The following MACROD1 variants were observed in gnomAD, a reference collection of about 807,000 sequenced individuals.
MACROD1 encodes the protein mono-ADP ribosylhydrolase 1.
In MACROD1, 31 loss-of-function variants were observed where a neutral mutation model predicts 41.4. The ratio of observed to expected loss-of-function variants is 0.75; its 90% CI spans 0.56 to 1.01. The LOEUF is 1.01. Among genes scored for constraint, MACROD1 ranks in the 50% least tolerant of loss-of-function variants. MACROD1 has a pLI of 0.00. For missense variants in MACROD1, 473 were observed against 460.0 expected (o/e 1.03, Z -0.26); for synonymous variants, 252 against 203.4 (o/e 1.24, Z -2.03).
chr11:64,122,547 C>G lies in MACROD1; in HGVS notation c.517+28692G>C, dbSNP rs1380894022. Among the ~76,000 whole-genome samples, 1 of 152,270 alleles carries G rather than the reference C, an allele frequency of 6.6e-6. No individual in the cohort carries two copies. The highest frequency in any genetic ancestry group is 2.4e-5 in the African/African-American group (1 of 41,468). On this transcript the variant is annotated intron_variant, in intron 3 of 10. Coordinates refer to ENST00000255681, the MANE Select transcript of MACROD1 (RefSeq NM_014067.4). This position sits in a 1 kb window ranked among gnomAD's most constrained non-coding sequence, Gnocchi z 4.0. Reference sequence around the variant, plus strand: ...GGGAAACCCTCCCTCTGAGCCCAGCCCAGCCCTGTCCGAACAAAGCCAGGC... The same window carrying G: ...GGGAAACCCTCCCTCTGAGCCCAGCGCAGCCCTGTCCGAACAAAGCCAGGC...
chr11:64,096,467 G>A lies in MACROD1; in HGVS notation c.517+54772C>T, dbSNP rs1160268530. On this transcript the variant is annotated intron_variant, in intron 3 of 10. Coordinates refer to ENST00000255681, the MANE Select transcript of MACROD1 (RefSeq NM_014067.4). The surrounding 1 kb of genome is among the most constrained non-coding windows in gnomAD (Gnocchi z 4.6). ...TCGCTGTGCTGCCCAGGATGATGAA[G>A]TGCAGTGGTATGATCTCGGCTCACT... 2.0e-5 allele frequency among the ~76,000 whole-genome samples: 3 copies of A among 151,828 alleles called. No homozygotes were observed. Among genetic ancestry groups the A allele is most frequent in the Non-Finnish European group, 4.4e-5 (3 of 67,942 alleles).
intron 4 of MACROD1, chr11:64,001,405 T>G (rs1394148283): frequency 2.8e-6 from 2 of 702,328 alleles, no homozygotes; most frequent in South Asian, 1.5e-5. Flanking sequence ...ACCAGCTGCC[T>G]GGTGCTCACA....
chr11:64,090,118 T>C lies in MACROD1; in HGVS notation c.517+61121A>G, dbSNP rs1293527784. ...AATGGGGCTGGGGGAGGGGAAGATA[T>C]GCACCCTCTCCCCACGGGGCTAGGG... On this transcript the variant is annotated intron_variant, in intron 3 of 10. Transcript: ENST00000255681. The surrounding 1 kb of genome is among the most constrained non-coding windows in gnomAD (Gnocchi z 4.7). 6.6e-6 allele frequency among the ~76,000 whole-genome samples: 1 copy of C among 151,986 alleles called. No homozygotes were observed. Among genetic ancestry groups the C allele is most frequent in the Non-Finnish European group, 1.5e-5 (1 of 67,966 alleles).
At chr11:64,153,413 TG>T (rs1945615836) in intron 1 of MACROD1, among the ~76,000 whole-genome samples, 1 of 150,414 alleles carries the variant, frequency 6.6e-6, no homozygotes, top group South Asian at 2.1e-4. Context: ...TTAGAGGAGG[TG>T]GTGAGAAAGG....
At chr11:64,147,921 T>C (rs1033465980) in intron 3 of MACROD1, among the ~76,000 whole-genome samples, 2 of 151,836 alleles carry the variant, frequency 1.3e-5, no homozygotes, top group Non-Finnish European at 2.9e-5. Context: ...TTTTTTTTTG[T>C]AGAGATAGAG....
intron 3 of MACROD1, among the ~76,000 whole-genome samples, 188 bp downstream of exon 3, chr11:64,151,051 G>T (rs888260887): frequency 1.3e-5 from 2 of 152,236 alleles, no homozygotes; most frequent in African/African-American, 4.8e-5. Context: ...GACACAGCAG[G>T]TCAGGGTTTC....
At chr11:64,075,981 GTCT>G (rs1944193629) in intron 3 of MACROD1, among the ~76,000 whole-genome samples, 1 of 152,226 alleles carries the variant, frequency 6.6e-6, no homozygotes, top group African/African-American at 2.4e-5. Flanking sequence ...GCCTGGCCCT[GTCT>G]TCTTGGCATG....
intron 4 of MACROD1, among the ~76,000 whole-genome samples, chr11:64,011,733 G>C (rs575914201): frequency 6.6e-6 from 1 of 151,414 alleles, no homozygotes; most frequent in African/African-American, 2.4e-5. Context: ...GCCCTTGTGC[G>C]TGTTCGAACA....
intron 3 of MACROD1, among the ~76,000 whole-genome samples, chr11:64,147,137 C>G (rs917690551): frequency 6.6e-6 from 1 of 152,200 alleles, no homozygotes; most frequent in African/African-American, 2.4e-5. Flanking sequence ...ACAGTCACAG[C>G]TCACTGCAGC....
At chr11:64,150,236 G>A (rs778787186) in intron 3 of MACROD1, among the ~76,000 whole-genome samples, 7 of 152,210 alleles carry the variant, frequency 4.6e-5, no homozygotes, top group Non-Finnish European at 7.3e-5. Context: ...AGAGATTAAC[G>A]GAAATGCTCA....
In MACROD1 at chr11:64,128,081, C is replaced by T. The variant is rs558124281; in HGVS notation, c.517+23158G>A. Among the ~76,000 whole-genome samples the T allele has an allele frequency of 4.1e-4, 63 of 152,240 alleles. 2 individuals carry two copies. In the South Asian group the frequency reaches 5.2e-3, roughly 13 times the overall value. ...TGGCCGGTGGCCCTGAGTGGGGTGA[C>T]GTGGGCCCCACAGGTGCTCTCTGCC... On this transcript the variant is annotated intron_variant, in intron 3 of 10. Transcript: ENST00000255681.
intron 3 of MACROD1, among the ~76,000 whole-genome samples, chr11:64,086,312 C>T (rs570247306): frequency 1.3e-5 from 2 of 152,168 alleles, no homozygotes; most frequent in East Asian, 1.9e-4. Context: ...CATACCGGCA[C>T]CTGCACAGCC....
chr11:64,138,205 CCTT>C (rs1442776179), intron 3 of MACROD1, among the ~76,000 whole-genome samples: 4 of 152,190 alleles, frequency 2.6e-5, no homozygotes, highest in Non-Finnish European at 5.9e-5. Context: ...GCTCCTGCCT[CCTT>C]GTTAGGAGGA....
At chr11:64,037,649 G>A (rs1943407770) in intron 3 of MACROD1, among the ~76,000 whole-genome samples, 1 of 151,968 alleles carries the variant, frequency 6.6e-6, no homozygotes, top group African/African-American at 2.4e-5. Context: ...GGCACAGGGT[G>A]TGTGTGTGTG....
At chr11:64,127,360 G>A (rs1945199921) in intron 3 of MACROD1, among the ~76,000 whole-genome samples, 1 of 152,092 alleles carries the variant, frequency 6.6e-6, no homozygotes, top group South Asian at 2.1e-4. Flanking sequence ...CGGGGCACAC[G>A]TGGTCTCAGC....
chr11:64,026,120 G>A (rs1419392237), intron 3 of MACROD1, among the ~76,000 whole-genome samples: 2 of 152,176 alleles, frequency 1.3e-5, no homozygotes, highest in African/African-American at 2.4e-5. Flanking sequence ...GGCGGAGGTT[G>A]CAGTGAGCCG....
chr11:64,152,383 C>T lies in MACROD1; in HGVS notation c.309G>A (p.Lys103=), dbSNP rs752613248. 4.3e-6 allele frequency: 7 copies of T among 1,614,154 alleles called. 1 individual carries two copies. The highest frequency in any genetic ancestry group is 3.4e-6 in the Non-Finnish European group (4 of 1,179,968). Residue 103 remains lysine (K), a synonymous_variant, in exon 2 of 11, where the codon AAG becomes AAA. Coordinates refer to ENST00000255681, the MANE Select transcript of MACROD1 (RefSeq NM_014067.4). ...CCTCCCGCTGCTTGTCACTCAGGCC[C>T]TTCAGAAAGGCTGCAGAGGCAGGAA... ...TDWKEAKSFL[K]GLSDKQREEH...
intron 1 of MACROD1, among the ~76,000 whole-genome samples, chr11:64,154,820 A>G (rs975836360): frequency 1.3e-5 from 2 of 152,164 alleles, no homozygotes; most frequent in African/African-American, 4.8e-5. Flanking sequence ...CCTGGATTCA[A>G]GCAATTCTCC....
chr11:64,028,359 C>A (rs1319752742), intron 3 of MACROD1, among the ~76,000 whole-genome samples: 1 of 152,152 alleles, frequency 6.6e-6, no homozygotes, highest in African/African-American at 2.4e-5. Flanking sequence ...TGCCTTAGGG[C>A]CCCCCTGGCC....
Sources: allele counts gnomAD v4.1 joint callset (sites outside exome capture counted in the v4.1 genomes callset), GRCh38; gene constraint gnomAD v4.1.1; non-coding constraint Gnocchi (gnomAD v3.1); transcripts MANE v1.5; gene names NCBI Gene and HGNC (gene_info 2026-07-23, HGNC 2026-07-21).